CPA6: variants seen among roughly 807,000 people sequenced by gnomAD.
The protein encoded by CPA6 is carboxypeptidase A6, also known as carboxypeptidase B.
Under a neutral mutation model 63.3 loss-of-function variants are expected in CPA6, and 58 were observed. The ratio of observed to expected loss-of-function variants is 0.92; its 90% CI spans 0.74 to 1.14. The LOEUF is 1.14. CPA6 is among the 50% of genes most tolerant of loss of function. CPA6 has a pLI of 0.00. For synonymous variants in CPA6, 185 were observed against 179.0 expected (o/e 1.03, Z -0.27); for missense variants, 565 against 526.6 (o/e 1.07, Z -0.71).
At chr8:67,448,639 G>GAAAAAAAAA (rs61317091) in intron 8 of CPA6, among the ~76,000 whole-genome samples, 1 of 23,296 alleles carries the variant, frequency 4.3e-5, no homozygotes, top group African/African-American at 1.7e-4. Flanking sequence ...CTCAAAAAAG[G>GAAAAAAAAA]AAAAAAAAAA....
intron 1 of CPA6, among the ~76,000 whole-genome samples, chr8:67,673,651 C>G (rs1390307705): frequency 6.6e-6 from 1 of 151,846 alleles, no homozygotes; most frequent in African/African-American, 2.4e-5. Context: ...CTCGGCCTCC[C>G]AAAGTGCTGG....
intron 2 of CPA6, among the ~76,000 whole-genome samples, chr8:67,590,358 A>G (rs1272237487): frequency 1.3e-5 from 2 of 151,574 alleles, no homozygotes; most frequent in Admixed American, 6.6e-5. Context: ...ATACGTGTGC[A>G]TGTGTCTTTA....
intron 8 of CPA6, among the ~76,000 whole-genome samples, chr8:67,453,910 C>T (rs897736692): frequency 2.0e-5 from 3 of 152,170 alleles, no homozygotes; most frequent in Admixed American, 2.0e-4. Flanking sequence ...TTGTAATACT[C>T]AGAAGTACTG....
intron 2 of CPA6, among the ~76,000 whole-genome samples, chr8:67,616,825 G>C (rs1380031076): frequency 6.6e-6 from 1 of 152,060 alleles, no homozygotes; most frequent in African/African-American, 2.4e-5. Flanking sequence ...GACAACGAGA[G>C]ACCCATGGTC....
At chr8:67,467,657 T>G (rs1400533818) in intron 8 of CPA6, among the ~76,000 whole-genome samples, 1 of 152,088 alleles carries the variant, frequency 6.6e-6, no homozygotes, top group East Asian at 1.9e-4. Context: ...AACCAGTCCT[T>G]TGGTTGACAC....
intron 1 of CPA6, among the ~76,000 whole-genome samples, chr8:67,650,858 G>A (rs1426669120): frequency 6.6e-6 from 1 of 152,290 alleles, no homozygotes; most frequent in East Asian, 1.9e-4. Context: ...AGGTTTTAAT[G>A]TACAGAGGCT....
At chr8:67,673,137 C>T (rs188835023) in intron 1 of CPA6, among the ~76,000 whole-genome samples, 7 of 152,224 alleles carry the variant, frequency 4.6e-5, no homozygotes, top group African/African-American at 1.7e-4. Flanking sequence ...ATGAAAGAGA[C>T]AGAGATCCCA....
chr8:67,527,983 G>C (rs1395034625), intron 2 of CPA6, among the ~76,000 whole-genome samples: 1 of 152,180 alleles, frequency 6.6e-6, no homozygotes, highest in East Asian at 1.9e-4. Flanking sequence ...TCAGCTGTCT[G>C]TGAGAACAGG....
At chr8:67,733,196 CAAAAAAAA>C (rs1211323183) in intron 1 of CPA6, among the ~76,000 whole-genome samples, 1 of 14,896 alleles carries the variant, frequency 6.7e-5, no homozygotes, top group Admixed American at 9.5e-4. Flanking sequence ...GACTCCATCT[CAAAAAAAA>C]AAAAAAAAAA....
Position 67,688,075 on chromosome 8 carries a change from G to C in CPA6, c.116+57939C>G, listed in dbSNP as rs529150402. On this transcript the variant is annotated intron_variant, in intron 1 of 10. Transcript: ENST00000297770. Reference sequence around the variant, plus strand: ...TAGTCCCAGCTACTTGAGAGCCTGAGGTGGGAGGATCACCAGAATATGAGG... The same window carrying C: ...TAGTCCCAGCTACTTGAGAGCCTGACGTGGGAGGATCACCAGAATATGAGG... Among the ~76,000 whole-genome samples, 5 of 152,300 alleles carry C rather than the reference G, an allele frequency of 3.3e-5. No homozygotes were observed. The East Asian group carries it at 9.6e-4, about 29-fold the overall frequency.
intron 1 of CPA6, among the ~76,000 whole-genome samples, chr8:67,632,406 CAATT>C (rs1306797251): frequency 1.3e-5 from 2 of 152,130 alleles, no homozygotes; most frequent in Non-Finnish European, 2.9e-5. Context: ...CTCCTGGACT[CAATT>C]GATCCTCCCA....
intron 3 of CPA6, among the ~76,000 whole-genome samples, chr8:67,516,581 G>T (rs529827041): frequency 3.9e-5 from 6 of 152,306 alleles, no homozygotes; most frequent in Admixed American, 1.3e-4. Context: ...GCTGCTGTGT[G>T]TTCTCACCTC....
intron 1 of CPA6, among the ~76,000 whole-genome samples, chr8:67,686,436 A>G (rs1341968473): frequency 6.6e-6 from 1 of 152,340 alleles, no homozygotes; most frequent in East Asian, 1.9e-4. Flanking sequence ...AACCTCTTTT[A>G]TTACATGTAC....
chr8:67,686,460 G>A (rs1816711570), intron 1 of CPA6, among the ~76,000 whole-genome samples: 1 of 152,130 alleles, frequency 6.6e-6, no homozygotes, highest in African/African-American at 2.4e-5. Flanking sequence ...TATACGCATA[G>A]CCAAAAAGGA....
chr8:67,711,046 C>T (rs1817250089), intron 1 of CPA6, among the ~76,000 whole-genome samples: 1 of 152,106 alleles, frequency 6.6e-6, no homozygotes. Context: ...GTCCAAAGTG[C>T]CTGGTTTGAG....
At chr8:67,489,556 G>A (rs1364350067) in intron 6 of CPA6, among the ~76,000 whole-genome samples, 2 of 151,944 alleles carry the variant, frequency 1.3e-5, no homozygotes, top group African/African-American at 4.8e-5. Flanking sequence ...GTTAGAGAAT[G>A]TGATATTTTT....
intron 2 of CPA6, among the ~76,000 whole-genome samples, chr8:67,609,721 T>A (rs987789419): frequency 6.6e-6 from 1 of 152,180 alleles, no homozygotes; most frequent in African/African-American, 2.4e-5. Flanking sequence ...AGTCTTAGAT[T>A]TGTTAAAATA....
At chr8:67,745,938 T>C in intron 1 of CPA6, 76 bp downstream of exon 1, 1 of 995,718 alleles carries the variant, frequency 1.0e-6, no homozygotes, top group South Asian at 1.7e-5. Flanking sequence ...TCAGAAAAAG[T>C]GAGGCACACT....
At chr8:67,537,830 T>C (rs916779461) in intron 2 of CPA6, among the ~76,000 whole-genome samples, 2 of 152,246 alleles carry the variant, frequency 1.3e-5, no homozygotes, top group African/African-American at 4.8e-5. Context: ...ATTAGTGTTA[T>C]AAATTTCCCT....
Sources: allele counts gnomAD v4.1 joint callset (sites outside exome capture counted in the v4.1 genomes callset), GRCh38; gene constraint gnomAD v4.1.1; transcripts MANE v1.5; gene names NCBI Gene and HGNC (gene_info 2026-07-23, HGNC 2026-07-21).